Variants in NDRG2 observed in about 807,000 individuals in gnomAD.
NDRG2 encodes the protein protein NDRG2.
NDRG2 carries 34 observed loss-of-function variants against 58.2 expected under a neutral mutation model. The ratio of observed to expected loss-of-function variants is 0.58; its 90% CI spans 0.44 to 0.78. The LOEUF (loss-of-function observed/expected upper bound fraction) is 0.78, where lower values mean the gene tolerates loss of function less well. Ranked by LOEUF, NDRG2 falls within the 30% of genes least tolerant of loss-of-function variation. The pLI is 0.00. For missense variants in NDRG2, 434 were observed against 471.2 expected, an observed-to-expected ratio of 0.92 and a Z score of 0.73; for synonymous variants, 187 against 175.9, an observed-to-expected ratio of 1.06 and a Z score of -0.50.
At chr14:21,030,855 G>A (rs1884049805) in intron 1 of NDRG2, 3 of 1,517,514 alleles carry the variant, frequency 2.0e-6, no homozygotes, top group Non-Finnish European at 1.8e-6. Flanking sequence ...GGCCTACCAA[G>A]CACCACAGGG....
intron 1 of NDRG2, among the ~76,000 whole-genome samples, chr14:21,069,932 C>T (rs1285959270): frequency 6.6e-6 from 1 of 152,240 alleles, no homozygotes; most frequent in Non-Finnish European, 1.5e-5. Context: ...TCACGCACGC[C>T]CCAGCCTTTG....
chr14:21,035,390 T>C (rs1884550323), intron 1 of NDRG2, among the ~76,000 whole-genome samples: 1 of 152,210 alleles, frequency 6.6e-6, no homozygotes, highest in South Asian at 2.1e-4. Flanking sequence ...CTGAGTGGTT[T>C]GCCATGCTGG....
At chr14:21,058,458 A>G in intron 1 of NDRG2, 1 of 827,624 alleles carries the variant, frequency 1.2e-6, no homozygotes. Flanking sequence ...TGCAAATGCC[A>G]TTTCCCTCCC....
intron 1 of NDRG2, chr14:21,032,189 G>C: frequency 3.6e-6 from 4 of 1,120,176 alleles, no homozygotes; most frequent in Non-Finnish European, 5.3e-6. Context: ...CTGTCTGTGA[G>C]GGACAGATGA....
In NDRG2 at chr14:21,023,331, T is replaced by A; in HGVS notation, c.-6-10A>T. ...GCTCCGCCATGGTGGCCTGGCAGGA[T>A]GAGGAAATGAGACTGGGAAGTTGTC... On this transcript the variant is annotated splice_polypyrimidine_tract_variant and intron_variant, in intron 1 of 15. Coordinates refer to ENST00000556147, the MANE Select transcript of NDRG2 (RefSeq NM_001320329.2). 1 of 1,610,062 alleles carries A rather than the reference T, an allele frequency of 6.2e-7. No individual in the cohort carries two copies.
At chr14:21,062,059 G>C (rs1350993434) in intron 1 of NDRG2, among the ~76,000 whole-genome samples, 1 of 152,142 alleles carries the variant, frequency 6.6e-6, no homozygotes, top group Non-Finnish European at 1.5e-5. Context: ...ATTCTTTAAA[G>C]TGATTATTAG....
At chr14:21,031,314 A>AT (rs1884110660) in intron 1 of NDRG2, 1 of 1,089,412 alleles carries the variant, frequency 9.2e-7, no homozygotes, top group Non-Finnish European at 1.3e-6. Context: ...AGTCAGGAAA[A>AT]TGTGGCCCAG....
Position 21,030,878 on chromosome 14 carries a change from T to C in NDRG2, c.25-7557A>G, listed in dbSNP as rs1357608810. On this transcript the variant is annotated intron_variant, in intron 1 of 14. Transcript: ENST00000403829. The stretch of plus-strand genomic sequence containing the variant: ...AAGCACCACAGGGTACCTGGCGCTG[T>C]GCTATCCTTTGTCTTCGAGACACTC... 2.0e-6 allele frequency: 3 copies of C among 1,504,142 alleles called. No homozygotes were observed. In the African/African-American group the frequency reaches 4.2e-5, roughly 21 times the overall value. 93.2% of individuals were successfully genotyped at this position (1,504,142 alleles called of 1,614,324 possible). A position where few individuals can be genotyped will look rare whatever the true frequency, so the allele number is the denominator to read the frequency against.
At chr14:21,051,393 C>T (rs1037315249) in intron 1 of NDRG2, among the ~76,000 whole-genome samples, 1 of 152,132 alleles carries the variant, frequency 6.6e-6, no homozygotes, top group Non-Finnish European at 1.5e-5. Flanking sequence ...TCATTCCTAG[C>T]AGGGCTGAAG....
In NDRG2 at chr14:21,070,478, T is replaced by G; in HGVS notation, c.24+350A>C. Reference sequence around the variant, plus strand: ...CCGGGCCCCCAAGTCCTCAGCCTGGTGCCTCCCGAGCCTGCCTCGGACTGT... The same window carrying G: ...CCGGGCCCCCAAGTCCTCAGCCTGGGGCCTCCCGAGCCTGCCTCGGACTGT... On this transcript the variant is annotated intron_variant, in intron 1 of 14. Coordinates refer to the NDRG2 transcript ENST00000403829. This position sits in a 1 kb window ranked among gnomAD's most constrained non-coding sequence, Gnocchi z 4.7. 1 of 1,351,750 alleles carries G rather than the reference T, an allele frequency of 7.4e-7. No homozygotes were observed. The highest frequency in any genetic ancestry group is 9.5e-7 in the Non-Finnish European group (1 of 1,055,186). 83.7% of individuals were successfully genotyped at this position (1,351,750 alleles called of 1,614,324 possible).
chr14:21,021,817 T>C lies in NDRG2; in HGVS notation c.407A>G (p.Asn136Ser). ...DMIPCVLQYLNFSTIIGVGVG... is the reference protein window; with the variant it reads ...DMIPCVLQYLSFSTIIGVGVG... ...TTGGAGGGGTTCCCAGGCCTCTCACTTTAGGTACTGCAGGACGCAAGGGAT... is the reference window on the plus strand; with the variant it reads ...TTGGAGGGGTTCCCAGGCCTCTCACCTTAGGTACTGCAGGACGCAAGGGAT... Residue 136 changes from asparagine (N) to serine (S), a missense_variant and splice_region_variant, in exon 6 of 16, where the codon AAT (asparagine) becomes AGT (serine). Physicochemically the swap from Asn to Ser is conservative, Grantham distance 46. Coordinates refer to ENST00000556147, the MANE Select transcript of NDRG2 (RefSeq NM_001320329.2). 6.2e-7 allele frequency: 1 copy of C among 1,612,252 alleles called. No individual in the cohort carries two copies. The highest frequency in any genetic ancestry group is 8.5e-7 in the Non-Finnish European group (1 of 1,179,122).
At chr14:21,057,415 G>A (rs918575389) in intron 1 of NDRG2, among the ~76,000 whole-genome samples, 2 of 150,788 alleles carry the variant, frequency 1.3e-5, no homozygotes, top group Admixed American at 6.6e-5. Flanking sequence ...CAGCATGGGC[G>A]ACAAGAGCGA....
chr14:21,058,119 C>G, intron 1 of NDRG2: 1 of 1,614,172 alleles, frequency 6.2e-7, no homozygotes, highest in Non-Finnish European at 8.5e-7. Context: ...GAGCCCTTCT[C>G]CAGTGTGGCC....
intron 1 of NDRG2, among the ~76,000 whole-genome samples, chr14:21,039,443 CAG>C (rs147383913): frequency 1.4e-3 from 218 of 152,348 alleles, no homozygotes; most frequent in African/African-American, 5.1e-3. Context: ...CTCTCTCTCT[CAG>C]AGTCTTTCTT....
intron 6 of NDRG2, chr14:21,021,309 G>A: frequency 2.8e-6 from 1 of 357,624 alleles, no homozygotes; most frequent in Non-Finnish European, 5.5e-6. Context: ...AACCAGAGCT[G>A]CTGAGCCCTG....
At chr14:21,023,585 A>AC (rs3831172) in intron 1 of NDRG2, 321,672 of 438,760 alleles carry the variant, frequency 0.73, 120,259 homozygotes, top group African/African-American at 0.77. Flanking sequence ...ACACCTCCAG[A>AC]CCCCTCCCTC....
chr14:21,070,266 G>A lies in NDRG2; in HGVS notation c.24+562C>T. The A allele has an allele frequency of 9.8e-7, 1 of 1,020,818 alleles. No homozygotes were observed. The highest frequency in any genetic ancestry group is 3.8e-5 in the East Asian group (1 of 26,144). 63.2% of individuals were successfully genotyped at this position (1,020,818 alleles called of 1,614,324 possible). A position where few individuals can be genotyped will look rare whatever the true frequency, so the allele number is the denominator to read the frequency against. ...GCCCCGCGGCCTGGAAGCCGGAGCG[G>A]GCCGAGCCGCCACCGCGGCCGGAGC... On this transcript the variant is annotated intron_variant, in intron 1 of 14. Coordinates refer to the NDRG2 transcript ENST00000403829. This position sits in a 1 kb window ranked among gnomAD's most constrained non-coding sequence, Gnocchi z 4.7.
intron 1 of NDRG2, among the ~76,000 whole-genome samples, chr14:21,064,392 C>T (rs1456694111): frequency 6.7e-6 from 1 of 148,356 alleles, no homozygotes; most frequent in Non-Finnish European, 1.5e-5. Flanking sequence ...ACCTCTGCCC[C>T]TTGGGTTCAA....
Position 21,022,466 on chromosome 14 carries a change from A to C in NDRG2, c.149T>G (p.Val50Gly). ...GGGGGTGCCATAGACAGTGAAAGTG[A>C]CAGAGCCGTATGGTGTCTCCACAGA... is the stretch of plus-strand genomic sequence containing the variant. ...THSVETPYGS[V>G]TFTVYGTPKP... Residue 50 changes from valine (V) to glycine (G), a missense_variant, in exon 4 of 16, where the codon GTC becomes GGC. Physicochemically the swap from Val to Gly is moderately radical, Grantham distance 109 (BLOSUM62 -3). Transcript: ENST00000556147. 1 of 1,614,122 alleles carries C rather than the reference A, an allele frequency of 6.2e-7. No homozygotes were observed. The highest frequency in any genetic ancestry group is 2.2e-5 in the East Asian group (1 of 44,876).
Sources: gnomAD v4.1 joint callset for allele counts (sites outside exome capture counted in the v4.1 genomes callset) on GRCh38, gnomAD v4.1.1 for gene constraint, Gnocchi (gnomAD v3.1) non-coding constraint, MANE v1.5 for transcripts, NCBI Gene and HGNC (gene_info 2026-07-23, HGNC 2026-07-21) for gene names.